The following ZNF831 variants were observed in gnomAD, a reference collection of about 807,000 sequenced individuals.
ZNF831 encodes the protein zinc finger protein 831.
ZNF831 carries 59 observed loss-of-function variants against 95.8 expected under a neutral mutation model. The observed-to-expected ratio is 0.62, with a 90% CI of 0.50 to 0.77. The LOEUF is 0.77. ZNF831 is among the 30% of genes least tolerant of loss of function. The pLI is 0.00. For missense variants in ZNF831, 2,205 were observed against 2,164.0 expected, an observed-to-expected ratio of 1.02 and a Z score of -0.38; for synonymous variants, 961 against 925.5, an observed-to-expected ratio of 1.04 and a Z score of -0.70.
At position 59,211,051 on chromosome 20, in the gene ZNF831, A is replaced by AG. The variant is rs1396468403; in HGVS notation, c.4027+3995_4027+3996insG. ...CGAGACTCCGTCTCAAAAAAAAAGA[A>AG]AAAAAAAAAAAAAACAAATCCAAGG... On this transcript the variant is annotated intron_variant, in intron 4 of 5. Coordinates refer to ENST00000371030, the MANE Select transcript of ZNF831 (RefSeq NM_178457.3). Among the ~76,000 whole-genome samples, 3 of 149,826 alleles carry AG rather than the reference A, an allele frequency of 2.0e-5. 1 individual carries two copies. The highest frequency in any genetic ancestry group is 7.4e-5 in the African/African-American group (3 of 40,720).
At chr20:59,188,113 G>A (rs566425499) in intron 1 of ZNF831, among the ~76,000 whole-genome samples, 6 of 152,300 alleles carry the variant, frequency 3.9e-5, no homozygotes, top group South Asian at 2.1e-4. Flanking sequence ...GAACATGCAC[G>A]TACAAATTTT....
chr20:59,252,642 A>G (rs544590876), intron 4 of ZNF831, among the ~76,000 whole-genome samples: 2 of 152,352 alleles, frequency 1.3e-5, no homozygotes, highest in South Asian at 4.1e-4. Flanking sequence ...AGAGAATTCA[A>G]GCTGATCTAA....
At position 59,206,754 on chromosome 20, in the gene ZNF831, G is replaced by C. The variant is rs571667639; in HGVS notation, c.3876-151G>C. 1.2e-3 allele frequency: 910 copies of C among 781,272 alleles called. 20 individuals carry two copies. The South Asian group carries it at 0.015, about 13-fold the overall frequency. The allele number at this position is 781,272 out of a possible 1,614,324, so 48.4% of individuals were successfully genotyped here. On this transcript the variant is annotated intron_variant, in intron 3 of 5. Coordinates refer to ENST00000371030, the MANE Select transcript of ZNF831 (RefSeq NM_178457.3). Reference sequence around the variant, plus strand: ...ATTATCCTGGGGAGGTGGGGGATGAGGTATGGAGGGATCAGGAGTTGCTCA... The same window carrying C: ...ATTATCCTGGGGAGGTGGGGGATGACGTATGGAGGGATCAGGAGTTGCTCA...
At chr20:59,128,673 G>A (rs1194102376) in intron 1 of ZNF831, among the ~76,000 whole-genome samples, 1 of 152,246 alleles carries the variant, frequency 6.6e-6, no homozygotes, top group Non-Finnish European at 1.5e-5. Context: ...GGATGGCAGA[G>A]GCAGTGTGAC....
At chr20:59,127,607 T>C (rs1425534332) in intron 1 of ZNF831, among the ~76,000 whole-genome samples, 1 of 152,188 alleles carries the variant, frequency 6.6e-6, no homozygotes, top group Non-Finnish European at 1.5e-5. Flanking sequence ...ACTCCTACTT[T>C]ATTTGATCTC....
At chr20:59,175,848 A>G (rs779106372) in intron 1 of ZNF831, among the ~76,000 whole-genome samples, 2 of 152,216 alleles carry the variant, frequency 1.3e-5, no homozygotes, top group Non-Finnish European at 2.9e-5. Context: ...GCATTATGGT[A>G]TGAGAGTCTG....
chr20:59,245,624 C>T (rs1287678865), intron 4 of ZNF831, among the ~76,000 whole-genome samples: 1 of 152,226 alleles, frequency 6.6e-6, no homozygotes, highest in African/African-American at 2.4e-5. Context: ...AAAATTTCTC[C>T]AGACATCACC....
rs528375440 is a variant in ZNF831, at chr20:59,173,508, G to A, written c.-37+9301G>A. ...TCCATTTCATACCACATCCCTTATGGTCATCATTCCTGCCATACAGCAGGA... is the reference window on the plus strand; with the variant it reads ...TCCATTTCATACCACATCCCTTATGATCATCATTCCTGCCATACAGCAGGA... On this transcript the variant is annotated intron_variant, in intron 1 of 5. Coordinates refer to ENST00000371030, the MANE Select transcript of ZNF831 (RefSeq NM_178457.3). Among the ~76,000 whole-genome samples the A allele has an allele frequency of 8.7e-4, 132 of 152,254 alleles. 2 individuals are homozygous for A. Among genetic ancestry groups the A allele is most frequent in the Non-Finnish European group, 1.2e-3 (83 of 68,020 alleles).
intron 2 of ZNF831, among the ~76,000 whole-genome samples, chr20:59,149,889 C>A (rs1440836770): frequency 3.9e-5 from 6 of 152,258 alleles, no homozygotes; most frequent in African/African-American, 1.4e-4. Flanking sequence ...GGGCTGTCGT[C>A]CCACACAGGG....
At chr20:59,220,578 T>G (rs964366963) in intron 4 of ZNF831, among the ~76,000 whole-genome samples, 3 of 152,240 alleles carry the variant, frequency 2.0e-5, no homozygotes, top group Non-Finnish European at 4.4e-5. Flanking sequence ...GAGAAAGTCT[T>G]GTTTTGATTC....
chr20:59,192,504 C>T lies in ZNF831; in HGVS notation c.1485C>T (p.Thr495=), dbSNP rs980518030. The change falls in exon 2 of 6, where the codon ACC becomes ACT. Residue 495 remains threonine, a synonymous_variant. Transcript: ENST00000371030. The surrounding 1 kb of genome is among the most constrained non-coding windows in gnomAD (Gnocchi z 5.2). ...CCGTCCCCACTCAGCTCTCCACCAC[C>T]GTGGAATGTGTCCCCGTCACCAGGA... ...FHSVPTQLST[T]VECVPVTRSN... 6 of 1,550,276 alleles carry T rather than the reference C, an allele frequency of 3.9e-6. No individual in the cohort carries two copies. Among genetic ancestry groups the T allele is most frequent in the East Asian group, 4.5e-5 (2 of 44,256 alleles).
chr20:59,185,619 C>T (rs751139889), intron 1 of ZNF831, among the ~76,000 whole-genome samples: 3 of 152,112 alleles, frequency 2.0e-5, no homozygotes, highest in East Asian at 1.9e-4. Context: ...CTCTGAAATT[C>T]GTCCTGCAGC....
chr20:59,227,260 A>G (rs573548811), intron 4 of ZNF831, among the ~76,000 whole-genome samples: 1 of 152,348 alleles, frequency 6.6e-6, no homozygotes, highest in East Asian at 1.9e-4. Context: ...AGTAATTGAG[A>G]GAGTTCTCTG....
intron 1 of ZNF831, among the ~76,000 whole-genome samples, chr20:59,142,128 A>T (rs1230633982): frequency 1.3e-5 from 2 of 152,172 alleles, no homozygotes; most frequent in Non-Finnish European, 2.9e-5. Context: ...ATATGGACTA[A>T]GTGAACCAAT....
intron 4 of ZNF831, among the ~76,000 whole-genome samples, chr20:59,214,930 A>G (rs1452364676): frequency 6.6e-6 from 1 of 152,240 alleles, no homozygotes; most frequent in East Asian, 1.9e-4. Context: ...TTCTCCTAAT[A>G]TGACAGTTAT....
chr20:59,250,760 A>G (rs1003336526), intron 4 of ZNF831, among the ~76,000 whole-genome samples: 1 of 152,204 alleles, frequency 6.6e-6, no homozygotes, highest in Non-Finnish European at 1.5e-5. Context: ...CTTAGAAATT[A>G]AAAGCATAAT....
At chr20:59,181,136 C>T (rs188455436) in intron 1 of ZNF831, among the ~76,000 whole-genome samples, 1 of 152,182 alleles carries the variant, frequency 6.6e-6, no homozygotes, top group African/African-American at 2.4e-5. Flanking sequence ...TGATGATGAT[C>T]TTTTTTTCAT....
intron 1 of ZNF831, among the ~76,000 whole-genome samples, chr20:59,189,067 G>A (rs973979419): frequency 1.2e-4 from 18 of 151,960 alleles, no homozygotes; most frequent in African/African-American, 4.4e-4. Flanking sequence ...TGTAATCCCA[G>A]CTACTCAGGA....
chr20:59,159,014 A>G (rs1028512569), upstream of ZNF831, among the ~76,000 whole-genome samples: 2 of 152,216 alleles, frequency 1.3e-5, no homozygotes, highest in African/African-American at 2.4e-5. Context: ...GATTTTTCAT[A>G]TAACTTTTTT....
Sources: allele counts gnomAD v4.1 joint callset (sites outside exome capture counted in the v4.1 genomes callset), GRCh38; gene constraint gnomAD v4.1.1; non-coding constraint Gnocchi (gnomAD v3.1); transcripts MANE v1.5; gene names NCBI Gene and HGNC (gene_info 2026-07-23, HGNC 2026-07-21).